The following SMARCC1 variants were observed in gnomAD, a reference collection of about 807,000 sequenced individuals.
SMARCC1 encodes the protein SWI/SNF complex subunit SMARCC1.
In SMARCC1, 43 loss-of-function variants were observed where a neutral mutation model predicts 147.4. The observed-to-expected ratio is 0.29, with a 90% CI of 0.23 to 0.38. SMARCC1 has a LOEUF of 0.38. Ranked by LOEUF, SMARCC1 falls within the 10% of genes least tolerant of loss-of-function variation. SMARCC1 has a pLI of 1.00. For synonymous variants in SMARCC1, 495 were observed against 484.4 expected (o/e 1.02, Z -0.29); for missense variants, 1,119 against 1,381.1 (o/e 0.81, Z 3.01).
chr3:47,616,372 A>C (rs1299666247), intron 25 of SMARCC1, among the ~76,000 whole-genome samples: 1 of 152,174 alleles, frequency 6.6e-6, no homozygotes, highest in Non-Finnish European at 1.5e-5. Flanking sequence ...CTTTCCTTTA[A>C]TATTAATGCT....
At chr3:47,614,966 T>G (rs1286833073) in intron 25 of SMARCC1, among the ~76,000 whole-genome samples, 1 of 152,160 alleles carries the variant, frequency 6.6e-6, no homozygotes, top group Non-Finnish European at 1.5e-5. Context: ...ACCTACTCCC[T>G]TGTCTCTGAA....
At chr3:47,636,788 A>ATATGTGTGTG (rs1385700826) in intron 22 of SMARCC1, among the ~76,000 whole-genome samples, 1 of 80,624 alleles carries the variant, frequency 1.2e-5, no homozygotes, top group African/African-American at 4.3e-5. Context: ...AAATATATAT[A>ATATGTGTGTG]TGTGTGTGTG....
At position 47,621,451 on chromosome 3, in the gene SMARCC1, T is replaced by C. The variant is rs2106684241; in HGVS notation, c.2781+756A>G. 1.3e-5 allele frequency among the ~76,000 whole-genome samples: 2 copies of C among 152,236 alleles called. 1 individual carries two copies. The highest frequency in any genetic ancestry group is 4.1e-4 in the South Asian group (2 of 4,826). The stretch of plus-strand genomic sequence containing the variant: ...CTGGATAAAGAAAATGTGGTACATA[T>C]ATACTATGAAATACTACACAGCAAT... On this transcript the variant is annotated intron_variant, in intron 25 of 27. Coordinates refer to ENST00000254480, the MANE Select transcript of SMARCC1 (RefSeq NM_003074.4).
At chr3:47,732,883 G>T (rs1012833021) in intron 5 of SMARCC1, among the ~76,000 whole-genome samples, 2 of 151,104 alleles carry the variant, frequency 1.3e-5, no homozygotes, top group African/African-American at 4.9e-5. Flanking sequence ...GCCGAGGGGG[G>T]TGGATCACGA....
chr3:47,776,843 C>T (rs2106881426), intron 1 of SMARCC1, among the ~76,000 whole-genome samples: 1 of 151,964 alleles, frequency 6.6e-6, no homozygotes, highest in East Asian at 1.9e-4. Context: ...GGCGCGATCT[C>T]AGCTCAGCAC....
At position 47,714,833 on chromosome 3, in the gene SMARCC1, T is replaced by C. The variant is rs370331031; in HGVS notation, c.717-343A>G. ...CAAAACAAAAAACTAAAAGAAATAC[T>C]ACTAAAATCTATTAATAGAAACTTA... On this transcript the variant is annotated intron_variant, in intron 7 of 27. Transcript: ENST00000254480. Among the ~76,000 whole-genome samples the C allele has an allele frequency of 9.2e-5, 14 of 152,210 alleles. No individual in the cohort carries two copies. The East Asian group carries it at 2.7e-3, about 29-fold the overall frequency.
intron 2 of SMARCC1, among the ~76,000 whole-genome samples, chr3:47,765,408 T>C (rs1284107389): frequency 6.6e-6 from 1 of 152,106 alleles, no homozygotes; most frequent in Non-Finnish European, 1.5e-5. Flanking sequence ...TTTATAATTA[T>C]TTAAGTCAAA....
At chr3:47,647,974 T>C (rs2033139771) in intron 21 of SMARCC1, among the ~76,000 whole-genome samples, 1 of 152,190 alleles carries the variant, frequency 6.6e-6, no homozygotes, top group South Asian at 2.1e-4. Flanking sequence ...CTTTCTTGAA[T>C]CTGCTCACTG....
chr3:47,709,454 G>A lies in SMARCC1; in HGVS notation c.918+1229C>T, dbSNP rs1021610196. ...TAATCCCAGCACTTTGAGAGGCCGAGGCAGTCAGATCACCTGAGGTTAAGA... is the reference window on the plus strand; with the variant it reads ...TAATCCCAGCACTTTGAGAGGCCGAAGCAGTCAGATCACCTGAGGTTAAGA... On this transcript the variant is annotated intron_variant, in intron 9 of 27. Transcript: ENST00000254480. 6.6e-5 allele frequency among the ~76,000 whole-genome samples: 10 copies of A among 151,958 alleles called. No homozygotes were observed. In the East Asian group the frequency reaches 1.6e-3, roughly 24 times the overall value.
chr3:47,634,070 G>A (rs1219697311), intron 24 of SMARCC1, among the ~76,000 whole-genome samples: 2 of 152,164 alleles, frequency 1.3e-5, no homozygotes, highest in African/African-American at 2.4e-5. Context: ...AGAGGGGGAT[G>A]TAGGGGAGAT....
intron 19 of SMARCC1, chr3:47,663,499 T>C: frequency 1.5e-6 from 1 of 667,332 alleles, no homozygotes; most frequent in Non-Finnish European, 2.6e-6. Flanking sequence ...TACTCCCAGC[T>C]ACTCAGGGGG....
In SMARCC1 at chr3:47,586,444, C is replaced by T. The variant is rs977474702; in HGVS notation, c.*1765G>A. On this transcript the variant is annotated 3_prime_UTR_variant, in exon 28 of 28. Transcript: ENST00000254480. ...AGGAATAAACTCATTCTCATTTCCA[C>T]TCCCAAGAGTCCAGAACAAAAACAA... The T allele has an allele frequency of 2.0e-5, 3 of 152,460 alleles. No individual in the cohort carries two copies. The highest frequency in any genetic ancestry group is 2.0e-4 in the Admixed American group (3 of 15,276). 9.4% of individuals were successfully genotyped at this position (152,460 alleles called of 1,614,324 possible). A position where few individuals can be genotyped will look rare whatever the true frequency, so the allele number is the denominator to read the frequency against.
intron 26 of SMARCC1, among the ~76,000 whole-genome samples, chr3:47,599,242 C>G (rs924149668): frequency 2.6e-5 from 4 of 152,028 alleles, no homozygotes; most frequent in African/African-American, 7.3e-5. Flanking sequence ...CAACAATTAG[C>G]CAGGAGTGCA....
chr3:47,717,352 A>G (rs1162604855), intron 7 of SMARCC1, among the ~76,000 whole-genome samples: 2 of 152,188 alleles, frequency 1.3e-5, no homozygotes, highest in Non-Finnish European at 2.9e-5. Context: ...TACTGTGGTA[A>G]ACGAAACATG....
intron 1 of SMARCC1, among the ~76,000 whole-genome samples, chr3:47,775,253 C>A (rs945511248): frequency 6.6e-6 from 1 of 151,170 alleles, no homozygotes; most frequent in Non-Finnish European, 1.5e-5. Context: ...CTCTGCCCCC[C>A]AGGTTCACAA....
intron 11 of SMARCC1, among the ~76,000 whole-genome samples, chr3:47,699,065 G>A (rs1260512122): frequency 6.6e-6 from 1 of 152,096 alleles, no homozygotes; most frequent in African/African-American, 2.4e-5. Context: ...AACTATAAAA[G>A]CAGAAGGCAT....
At chr3:47,713,881 A>C (rs988878549) in intron 8 of SMARCC1, among the ~76,000 whole-genome samples, 94 of 152,300 alleles carry the variant, frequency 6.2e-4, no homozygotes, top group African/African-American at 2.2e-3. Context: ...CACAAACCAC[A>C]ATCTGACCTG....
At chr3:47,683,626 G>A (rs984135654) in intron 14 of SMARCC1, among the ~76,000 whole-genome samples, 1 of 151,696 alleles carries the variant, frequency 6.6e-6, no homozygotes, top group Non-Finnish European at 1.5e-5. Context: ...GCCAAGGTGG[G>A]TGGATCACCT....
At chr3:47,737,945 G>A in intron 4 of SMARCC1, 84 bp downstream of exon 4, 1 of 890,270 alleles carries the variant, frequency 1.1e-6, no homozygotes, top group East Asian at 3.0e-5. Context: ...TTACAGGCAT[G>A]AGCCACCGCG....
Sources: gnomAD v4.1 joint callset for allele counts (sites outside exome capture counted in the v4.1 genomes callset) on GRCh38, gnomAD v4.1.1 for gene constraint, MANE v1.5 for transcripts, NCBI Gene and HGNC (gene_info 2026-07-23, HGNC 2026-07-21) for gene names.